The following LPP variants were observed in gnomAD, a reference collection of about 807,000 sequenced individuals.
The protein encoded by LPP is lipoma-preferred partner.
Under a neutral mutation model 60.4 loss-of-function variants are expected in LPP, and 38 were observed. The ratio of observed to expected loss-of-function variants is 0.63; its 90% CI spans 0.49 to 0.83. The LOEUF (loss-of-function observed/expected upper bound fraction) is 0.83, where lower values mean the gene tolerates loss of function less well. LPP is among the 40% of genes least tolerant of loss of function. LPP has a pLI of 0.00. For synonymous variants in LPP, 328 were observed against 290.8 expected, an observed-to-expected ratio of 1.13 and a Z score of -1.30; for missense variants, 902 against 783.6, an observed-to-expected ratio of 1.15 and a Z score of -1.80.
intron 3 of LPP, among the ~76,000 whole-genome samples, chr3:188,393,148 G>A (rs547317047): frequency 1.3e-4 from 20 of 151,492 alleles, no homozygotes; most frequent in African/African-American, 4.8e-4. Context: ...AGGTGTTAAA[G>A]ATATAATTGA....
chr3:188,611,297 G>T (rs1220759650), intron 7 of LPP, among the ~76,000 whole-genome samples: 1 of 152,028 alleles, frequency 6.6e-6, no homozygotes, highest in African/African-American at 2.4e-5. Flanking sequence ...AGTTTCTTAA[G>T]TCTCTCTATG....
At chr3:188,414,327 C>T (rs2148957529) in intron 4 of LPP, among the ~76,000 whole-genome samples, 2 of 152,106 alleles carry the variant, frequency 1.3e-5, no homozygotes, top group East Asian at 3.9e-4. Context: ...ACACAATGCT[C>T]AAAGGAAATG....
chr3:188,163,845 G>C (rs867159336), intron 1 of LPP, among the ~76,000 whole-genome samples: 1 of 151,560 alleles, frequency 6.6e-6, no homozygotes, highest in Non-Finnish European at 1.5e-5. Flanking sequence ...CAGCTACTCG[G>C]GAGGCTGAGG....
chr3:188,189,102 T>G (rs1322215166), intron 1 of LPP, among the ~76,000 whole-genome samples: 1 of 152,184 alleles, frequency 6.6e-6, no homozygotes. Flanking sequence ...ATTTATTTAT[T>G]TGAGACAGGG....
chr3:188,173,160 C>T (rs942032975), intron 1 of LPP, among the ~76,000 whole-genome samples: 11 of 152,286 alleles, frequency 7.2e-5, no homozygotes, highest in South Asian at 4.1e-4. Context: ...TAAGCCACCA[C>T]GCCTGGCCCA....
rs559093933 is a variant in LPP, at chr3:188,460,054, T to C, written c.194-24538T>C. On this transcript the variant is annotated intron_variant, in intron 4 of 11. Transcript: ENST00000617246. ...GCACACTGAGTAAATTAGTCAATTATGTAAAAATTTTATCTGTAGTTTTGT... is the reference window on the plus strand; with the variant it reads ...GCACACTGAGTAAATTAGTCAATTACGTAAAAATTTTATCTGTAGTTTTGT... Among the ~76,000 whole-genome samples the C allele has an allele frequency of 1.6e-3, 239 of 152,362 alleles. 1 individual carries two copies. Among genetic ancestry groups the C allele is most frequent in the African/African-American group, 5.6e-3 (231 of 41,586 alleles).
At chr3:188,345,713 A>T (rs1578224289) in intron 3 of LPP, among the ~76,000 whole-genome samples, 2 of 152,160 alleles carry the variant, frequency 1.3e-5, no homozygotes, top group Admixed American at 6.6e-5. Context: ...AGAAACAGCT[A>T]GTATAATCAT....
At chr3:188,571,608 C>T (rs2150852125) in intron 6 of LPP, among the ~76,000 whole-genome samples, 1 of 152,138 alleles carries the variant, frequency 6.6e-6, no homozygotes, top group African/African-American at 2.4e-5. Flanking sequence ...CCCCCACCAT[C>T]AAAAAGTAAA....
At chr3:188,537,349 A>G (rs1163264231) in intron 6 of LPP, among the ~76,000 whole-genome samples, 2 of 152,240 alleles carry the variant, frequency 1.3e-5, no homozygotes, top group African/African-American at 2.4e-5. Context: ...AAAGAAAAAG[A>G]AACAATAGAT....
At chr3:188,241,068 A>G (rs535315191) in intron 2 of LPP, among the ~76,000 whole-genome samples, 2 of 152,322 alleles carry the variant, frequency 1.3e-5, no homozygotes, top group South Asian at 2.1e-4. Context: ...TACATGTGAA[A>G]TGGGCACAGT....
intron 4 of LPP, among the ~76,000 whole-genome samples, chr3:188,444,606 A>G (rs1478960255): frequency 2.6e-5 from 4 of 152,184 alleles, no homozygotes; most frequent in African/African-American, 7.2e-5. Flanking sequence ...ACCAAAAGCA[A>G]TGCCAACAAA....
intron 4 of LPP, among the ~76,000 whole-genome samples, chr3:188,473,726 CT>C (rs1034360838): frequency 5.3e-5 from 8 of 152,318 alleles, no homozygotes; most frequent in African/African-American, 1.7e-4. Flanking sequence ...ATCTCCATCT[CT>C]CTTTTATGGG....
intron 9 of LPP, among the ~76,000 whole-genome samples, chr3:188,846,068 C>T (rs533404104): frequency 6.6e-5 from 10 of 152,284 alleles, no homozygotes; most frequent in South Asian, 4.1e-4. Flanking sequence ...ACTTATTGCA[C>T]GCCTGCTGTT....
chr3:188,527,242 C>T (rs1281034698), intron 6 of LPP, among the ~76,000 whole-genome samples: 2 of 147,740 alleles, frequency 1.4e-5, no homozygotes, highest in African/African-American at 2.5e-5. Context: ...CCCAGCTATT[C>T]GGGAGGCTGA....
At chr3:188,598,171 G>A (rs1433012284) in intron 6 of LPP, among the ~76,000 whole-genome samples, 1 of 152,110 alleles carries the variant, frequency 6.6e-6, no homozygotes, top group East Asian at 1.9e-4. Flanking sequence ...CTGTGTAGAG[G>A]AAAGTAAGAG....
At position 188,687,782 on chromosome 3, in the gene LPP, TTTTTTTTTTTGAGA is replaced by T. The variant is rs771988894; in HGVS notation, c.1114-20483_1114-20470del. ...AACCAGCTGTCTTATACTCTTTTTTTTTTTTTTTTTGAGATGAAGTCTCGCTCTGTCGCCCAGGC... is the reference window on the plus strand; with the variant it reads ...AACCAGCTGTCTTATACTCTTTTTTTTGAAGTCTCGCTCTGTCGCCCAGGC... On this transcript the variant is annotated intron_variant, in intron 7 of 11. Transcript: ENST00000617246. 6.8e-3 allele frequency among the ~76,000 whole-genome samples: 1,021 copies of T among 149,236 alleles called. 14 individuals are homozygous for T. Among genetic ancestry groups the T allele is most frequent in the African/African-American group, 0.024 (976 of 40,430 alleles).
intron 2 of LPP, among the ~76,000 whole-genome samples, chr3:188,323,825 G>T (rs1757604811): frequency 6.6e-6 from 1 of 152,218 alleles, no homozygotes; most frequent in Non-Finnish European, 1.5e-5. Flanking sequence ...AGCTTGTTAG[G>T]CAGAATGGAA....
chr3:188,836,824 G>A (rs1043390413), intron 9 of LPP, among the ~76,000 whole-genome samples: 3 of 152,218 alleles, frequency 2.0e-5, no homozygotes, highest in South Asian at 2.1e-4. Context: ...CTTGGTTCCC[G>A]GGTTTCATGG....
At chr3:188,291,308 G>A (rs2150043816) in intron 2 of LPP, among the ~76,000 whole-genome samples, 1 of 152,202 alleles carries the variant, frequency 6.6e-6, no homozygotes, top group South Asian at 2.1e-4. Flanking sequence ...AAACAGAAAG[G>A]CTAAAGTGTT....
Sources: gnomAD v4.1 joint callset for allele counts (sites outside exome capture counted in the v4.1 genomes callset) on GRCh38, gnomAD v4.1.1 for gene constraint, MANE v1.5 for transcripts, NCBI Gene and HGNC (gene_info 2026-07-23, HGNC 2026-07-21) for gene names.